Variants in BSDC1 observed in about 807,000 individuals in gnomAD.
BSDC1 encodes the protein BSD domain containing 1.
BSDC1 carries 29 observed loss-of-function variants against 56.0 expected under a neutral mutation model. The ratio of observed to expected loss-of-function variants is 0.52; its 90% CI spans 0.39 to 0.71. The LOEUF is 0.71. Ranked by LOEUF, BSDC1 falls within the 30% of genes least tolerant of loss-of-function variation. The pLI is 0.00. For synonymous variants in BSDC1, 210 were observed against 215.3 expected (o/e 0.98, Z 0.21); for missense variants, 477 against 548.5 (o/e 0.87, Z 1.30).
In BSDC1 at chr1:32,366,316, T is replaced by C. The variant is rs1190572636; in HGVS notation, c.*306A>G. On this transcript the variant is annotated 3_prime_UTR_variant, in exon 11 of 11. Coordinates refer to ENST00000455895, the MANE Select transcript of BSDC1 (RefSeq NM_018045.8). ...ATCCCTTGGGACTTCCCAGCAGGAG[T>C]CCTCAGGAACAGTGGGTGTTCAGCA... The C allele has an allele frequency of 1.8e-6, 1 of 568,302 alleles. No homozygotes were observed. The highest frequency in any genetic ancestry group is 1.9e-5 in the African/African-American group (1 of 52,968). 35.2% of individuals were successfully genotyped at this position (568,302 alleles called of 1,614,324 possible).
chr1:32,392,235 G>C (rs1457981850), intron 2 of BSDC1, among the ~76,000 whole-genome samples: 1 of 152,158 alleles, frequency 6.6e-6, no homozygotes, highest in East Asian at 1.9e-4. Context: ...AGGAGGCCGA[G>C]GCAGGAGAAT....
At chr1:32,381,138 G>T in intron 5 of BSDC1, 76 bp downstream of exon 5, 1 of 1,493,342 alleles carries the variant, frequency 6.7e-7, no homozygotes, top group South Asian at 1.2e-5. Context: ...TGCTACCTGA[G>T]ACAAACAGGG....
intron 9 of BSDC1, 47 bp from the exon 10 acceptor site, chr1:32,368,597 G>A: frequency 6.2e-7 from 1 of 1,611,884 alleles, no homozygotes; most frequent in Non-Finnish European, 8.5e-7. Context: ...GGCAGGGAAG[G>A]GGCACCTGAA....
chr1:32,381,264 C>T lies in BSDC1; in HGVS notation c.362G>A (p.Arg121His), dbSNP rs200832917. The stretch of plus-strand genomic sequence containing the variant: ...TGGGTCCGACTGCAGGCTATAGAGG[C>T]GAGCCTGTAAGAAAAGGAGAAGAGG... ...TAEPYDGTKA[R>H]LYSLQSDPAT... is the part of the protein sequence containing the mutation. Residue 121 changes from arginine to histidine, a missense_variant, in exon 5 of 11, where the codon CGC (arginine) becomes CAC (histidine). Transcript: ENST00000455895. The T allele has an allele frequency of 4.1e-5, 66 of 1,609,798 alleles. No homozygotes were observed. Among genetic ancestry groups the T allele is most frequent in the South Asian group, 6.6e-5 (6 of 90,834 alleles).
intron 3 of BSDC1, 169 bp from the exon 4 acceptor site, chr1:32,384,166 C>A (rs1406639929): frequency 2.4e-6 from 2 of 837,070 alleles, no homozygotes; most frequent in African/African-American, 3.4e-5. Flanking sequence ...GGCAAGGGTC[C>A]TCCATCCCCC....
At chr1:32,370,585 C>T (rs1270197327) in intron 9 of BSDC1, among the ~76,000 whole-genome samples, 1 of 151,696 alleles carries the variant, frequency 6.6e-6, no homozygotes, top group Non-Finnish European at 1.5e-5. Flanking sequence ...AGGTGGATCA[C>T]GAGGTCAGAA....
intron 4 of BSDC1, among the ~76,000 whole-genome samples, chr1:32,381,864 G>A (rs1642485619): frequency 6.6e-6 from 1 of 152,178 alleles, no homozygotes; most frequent in East Asian, 1.9e-4. Flanking sequence ...CCACTCACAT[G>A]TTCACTAAGT....
intron 1 of BSDC1, 81 bp from the exon 2 acceptor site, chr1:32,394,221 G>A (rs955209712): frequency 1.3e-6 from 2 of 1,566,128 alleles, no homozygotes; most frequent in African/African-American, 1.4e-5. Context: ...CCGCTCAGAT[G>A]TACCCTGCGG....
At chr1:32,388,343 G>C (rs1642743104) in intron 2 of BSDC1, among the ~76,000 whole-genome samples, 1 of 152,074 alleles carries the variant, frequency 6.6e-6, no homozygotes, top group Non-Finnish European at 1.5e-5. Flanking sequence ...GGGTGGAGGA[G>C]GTCATTTACT....
intron 9 of BSDC1, among the ~76,000 whole-genome samples, chr1:32,373,852 C>T (rs901897579): frequency 2.0e-5 from 3 of 152,144 alleles, no homozygotes; most frequent in Non-Finnish European, 4.4e-5. Flanking sequence ...ACTGATTTTA[C>T]CTGGCTAAAC....
At position 32,386,800 on chromosome 1, in the gene BSDC1, G is replaced by T. The variant is rs753148934; in HGVS notation, c.168C>A (p.Ser56Arg). Residue 56 changes from serine to arginine, a missense_variant, in exon 3 of 11, where the codon AGC becomes AGA. Coordinates refer to ENST00000455895, the MANE Select transcript of BSDC1 (RefSeq NM_018045.8). ...DTACTIAATA[S>R]VVKEKLATEG... ...TCACAGCCAGCTTCTCCTTGACCAC[G>T]CTGGCCGTGGCTGCGATGGTACAGG... The T allele has an allele frequency of 6.2e-7, 1 of 1,612,648 alleles. No individual in the cohort carries two copies. Among genetic ancestry groups the T allele is most frequent in the Non-Finnish European group, 8.5e-7 (1 of 1,179,960 alleles).
At chr1:32,370,759 C>T (rs1642048411) in intron 9 of BSDC1, among the ~76,000 whole-genome samples, 1 of 148,090 alleles carries the variant, frequency 6.8e-6, no homozygotes, top group Non-Finnish European at 1.5e-5. Flanking sequence ...AGCCAAGATC[C>T]CGCCATTGCA....
At chr1:32,393,835 G>A in intron 2 of BSDC1, 2 of 506,888 alleles carry the variant, frequency 3.9e-6, no homozygotes, top group Non-Finnish European at 7.0e-6. Context: ...CCTTCCTATG[G>A]ATTCCTACAA....
chr1:32,390,084 G>A (rs2148143968), intron 2 of BSDC1, among the ~76,000 whole-genome samples: 1 of 152,316 alleles, frequency 6.6e-6, no homozygotes, highest in Non-Finnish European at 1.5e-5. Flanking sequence ...CAAGAGTGGT[G>A]AGGGATAAAG....
chr1:32,375,271 G>A (rs1382522362), intron 9 of BSDC1, among the ~76,000 whole-genome samples: 2 of 152,102 alleles, frequency 1.3e-5, no homozygotes, highest in Non-Finnish European at 2.9e-5. Flanking sequence ...ATAGGTTAGG[G>A]GTGGGGTGGG....
At chr1:32,386,251 G>A (rs1400098922) in intron 3 of BSDC1, among the ~76,000 whole-genome samples, 4 of 150,604 alleles carry the variant, frequency 2.7e-5, no homozygotes, top group Non-Finnish European at 5.9e-5. Flanking sequence ...CCCGGGAGGC[G>A]GAGCTTGCAG....
At chr1:32,384,136 G>A (rs1642585689) in intron 3 of BSDC1, 139 bp from the exon 4 acceptor site, 10 of 1,231,528 alleles carry the variant, frequency 8.1e-6, no homozygotes, top group Non-Finnish European at 1.1e-5. Context: ...CCCGTCTCTG[G>A]GGCTGCAGGA....
At chr1:32,387,274 G>A (rs1320739416) in intron 2 of BSDC1, among the ~76,000 whole-genome samples, 1 of 151,932 alleles carries the variant, frequency 6.6e-6, no homozygotes, top group East Asian at 1.9e-4. Context: ...TTGATGAATT[G>A]CTTTGATATG....
At chr1:32,373,737 G>T (rs1048639342) in intron 9 of BSDC1, among the ~76,000 whole-genome samples, 1 of 152,036 alleles carries the variant, frequency 6.6e-6, no homozygotes, top group Non-Finnish European at 1.5e-5. Flanking sequence ...GCCAGGGCTG[G>T]TCTTAAACTC....
Sources: allele counts gnomAD v4.1 joint callset (sites outside exome capture counted in the v4.1 genomes callset), GRCh38; gene constraint gnomAD v4.1.1; transcripts MANE v1.5; gene names NCBI Gene and HGNC (gene_info 2026-07-23, HGNC 2026-07-21).